SEC62: variants seen among roughly 807,000 people sequenced by gnomAD.
SEC62 encodes the protein SEC62 preprotein translocation factor, also known as translocation protein SEC62.
In SEC62, 10 loss-of-function variants were observed where a neutral mutation model predicts 47.5. The observed-to-expected ratio is 0.21, with a 90% confidence interval of 0.13 to 0.36. SEC62 has a LOEUF of 0.36. SEC62 is among the 10% of genes least tolerant of loss of function. SEC62 has a pLI of 1.00. For synonymous variants in SEC62, 136 were observed against 150.5 expected (o/e 0.90, Z 0.71); for missense variants, 327 against 464.1 (o/e 0.70, Z 2.71).
At chr3:169,986,646 T>C (rs1715115114) in intron 6 of SEC62, among the ~76,000 whole-genome samples, 1 of 152,216 alleles carries the variant, frequency 6.6e-6, no homozygotes, top group South Asian at 2.1e-4. Context: ...AGGCAGTCTC[T>C]GAGAATACAG....
chr3:169,986,703 A>T (rs1282803406), intron 6 of SEC62, among the ~76,000 whole-genome samples: 3 of 152,156 alleles, frequency 2.0e-5, no homozygotes, highest in Non-Finnish European at 4.4e-5. Context: ...TAAGAATTAG[A>T]TGAAGACTTA....
chr3:169,988,485 T>C, intron 7 of SEC62, 126 bp downstream of exon 7: 2 of 1,010,772 alleles, frequency 2.0e-6, no homozygotes, highest in South Asian at 3.8e-5. Context: ...ATGGTACTAC[T>C]TTCTGAGTCA....
At chr3:169,987,499 T>G in intron 6 of SEC62, among the ~76,000 whole-genome samples, 1 of 152,212 alleles carries the variant, frequency 6.6e-6, no homozygotes, top group East Asian at 1.9e-4. Context: ...ATATATCATT[T>G]CATCCTCACA....
At chr3:169,989,944 G>A (rs537139065) in intron 7 of SEC62, among the ~76,000 whole-genome samples, 16 of 146,028 alleles carry the variant, frequency 1.1e-4, no homozygotes, top group African/African-American at 2.0e-4. Flanking sequence ...TATGTATATC[G>A]CATATAATAT....
Position 169,992,949 on chromosome 3 carries a change from T to C in SEC62, c.1086T>C (p.Asp362=). 6.2e-7 allele frequency: 1 copy of C among 1,613,904 alleles called. No individual in the cohort carries two copies. The highest frequency in any genetic ancestry group is 2.2e-5 in the East Asian group (1 of 44,870). Residue 362 remains aspartate (D), a synonymous_variant, in exon 8 of 8, where the codon GAT becomes GAC. Transcript: ENST00000337002. This position sits in a 1 kb window ranked among gnomAD's most constrained non-coding sequence, Gnocchi z 4.0. ...AGCACAGTAGTGGAAATGGAAATGATTTTGAAATGATAACAAAAGAGGAAC... is the reference window on the plus strand; with the variant it reads ...AGCACAGTAGTGGAAATGGAAATGACTTTGAAATGATAACAAAAGAGGAAC... ...RSQHSSGNGN[D]FEMITKEELE...
At chr3:169,976,688 C>T (rs866246493) in intron 2 of SEC62, among the ~76,000 whole-genome samples, 1 of 152,066 alleles carries the variant, frequency 6.6e-6, no homozygotes, top group Middle Eastern at 3.4e-3. Flanking sequence ...TGAATATTTC[C>T]CCATTAATTT....
intron 3 of SEC62, among the ~76,000 whole-genome samples, chr3:169,977,682 GC>G (rs1714870191): frequency 6.6e-6 from 1 of 152,186 alleles, no homozygotes; most frequent in East Asian, 1.9e-4. Flanking sequence ...AAGGAAGTAT[GC>G]TGGTTTTTCT....
At chr3:169,968,132 T>C (rs1470715092) in intron 1 of SEC62, among the ~76,000 whole-genome samples, 3 of 152,208 alleles carry the variant, frequency 2.0e-5, no homozygotes, top group Admixed American at 2.0e-4. Context: ...CTAATTATAC[T>C]GTTCTTAATC....
At chr3:169,976,651 T>C (rs779718530) in intron 2 of SEC62, among the ~76,000 whole-genome samples, 14 of 152,222 alleles carry the variant, frequency 9.2e-5, no homozygotes, top group Admixed American at 1.3e-4. Flanking sequence ...ATAAGAGTGA[T>C]AGTTACATAC....
At chr3:169,990,355 TG>T (rs1258163976) in intron 7 of SEC62, among the ~76,000 whole-genome samples, 9 of 152,138 alleles carry the variant, frequency 5.9e-5, no homozygotes, top group Non-Finnish European at 1.2e-4. Flanking sequence ...TTATTAATAA[TG>T]CCATTTAAAA....
chr3:169,966,881 A>T (rs1479398259), intron 1 of SEC62, 23 bp downstream of exon 1: 3 of 1,331,352 alleles, frequency 2.3e-6, no homozygotes, highest in Non-Finnish European at 3.0e-6. Flanking sequence ...AGCTCTGGGC[A>T]GGGGGCTTCG....
rs1339411644 is a variant in SEC62 at position 169,995,093 on chromosome 3, C to T, written c.*2030C>T. ...AAAAATCAAAAGGCTGCCTCTATTA[C>T]AATCCTCAGTGGAATAGATGGCTAT... On this transcript the variant is annotated 3_prime_UTR_variant, in exon 8 of 8. Transcript: ENST00000337002. 1 of 152,188 alleles carries T rather than the reference C, an allele frequency of 6.6e-6. No homozygotes were observed. Among genetic ancestry groups the T allele is most frequent in the East Asian group, 1.9e-4 (1 of 5,202 alleles). The allele number at this position is 152,188 out of a possible 1,614,324, so 9.4% of individuals were successfully genotyped here. A position where few individuals can be genotyped will look rare whatever the true frequency, so the allele number is the denominator to read the frequency against.
chr3:169,973,133 G>T (rs970171526), intron 1 of SEC62, among the ~76,000 whole-genome samples: 3 of 152,080 alleles, frequency 2.0e-5, no homozygotes, highest in Non-Finnish European at 2.9e-5. Context: ...TACTAATTGA[G>T]GCTCTGCGAA....
intron 6 of SEC62, 68 bp downstream of exon 6, chr3:169,985,933 TA>T (rs1715095353): frequency 2.9e-6 from 3 of 1,033,534 alleles, no homozygotes; most frequent in Non-Finnish European, 4.4e-6. Flanking sequence ...GCAGATACTG[TA>T]AAAGAAAATG....
At chr3:169,986,265 A>G (rs528373083) in intron 6 of SEC62, among the ~76,000 whole-genome samples, 2 of 152,296 alleles carry the variant, frequency 1.3e-5, no homozygotes, top group South Asian at 2.1e-4. Flanking sequence ...ATTTTTGTAA[A>G]GGGCAGTTTG....
At chr3:169,989,628 T>C (rs1715192588) in intron 7 of SEC62, among the ~76,000 whole-genome samples, 1 of 152,134 alleles carries the variant, frequency 6.6e-6, no homozygotes, top group Non-Finnish European at 1.5e-5. Context: ...AGCAAAGGTT[T>C]AGCTCCACTG....
rs11391826 is a variant in SEC62, at chr3:169,972,580, C to CTTT, written c.37-3010_37-3008dup. Among the ~76,000 whole-genome samples, 407 of 114,924 alleles carry CTTT rather than the reference C, an allele frequency of 3.5e-3. 13 individuals are homozygous for CTTT. Among genetic ancestry groups the CTTT allele is most frequent in the South Asian group, 0.014 (45 of 3,212 alleles). 75.4% of individuals were successfully genotyped at this position (114,924 alleles called of 152,430 possible). The stretch of plus-strand genomic sequence containing the variant: ...ACACATGTGTAGCACCTTTTTCTAT[C>CTTT]TTTTTTTTTTTTTTTTTTTTATGTA... On this transcript the variant is annotated intron_variant, in intron 1 of 7. Transcript: ENST00000337002.
chr3:169,988,072 A>G (rs1373138080), intron 6 of SEC62, among the ~76,000 whole-genome samples, 168 bp from the exon 7 acceptor site: 1 of 152,226 alleles, frequency 6.6e-6, no homozygotes, highest in Non-Finnish European at 1.5e-5. Flanking sequence ...AGGTTGAACA[A>G]TATGAAATTG....
intron 1 of SEC62, among the ~76,000 whole-genome samples, chr3:169,967,139 T>C (rs1576853032): frequency 6.6e-6 from 1 of 152,082 alleles, no homozygotes; most frequent in African/African-American, 2.4e-5. Context: ...GCTGTGGGCC[T>C]GGAGTTCCTG....
Sources: allele counts gnomAD v4.1 joint callset (sites outside exome capture counted in the v4.1 genomes callset), GRCh38; gene constraint gnomAD v4.1.1; non-coding constraint Gnocchi (gnomAD v3.1); transcripts MANE v1.5; gene names NCBI Gene and HGNC (gene_info 2026-07-23, HGNC 2026-07-21).